Variants in MLIP observed in about 807,000 individuals in gnomAD.
MLIP encodes muscular LMNA interacting protein.
A neutral mutation model predicts 84.8 loss-of-function variants in MLIP; 79 were observed. The observed-to-expected ratio is 0.93, with a 90% CI of 0.78 to 1.12. The LOEUF (loss-of-function observed/expected upper bound fraction) is 1.12. Ranked by LOEUF, MLIP falls within the 50% of genes most tolerant of loss-of-function variation. The pLI is 0.00. For missense variants in MLIP, 1,257 were observed against 1,160.6 expected, an observed-to-expected ratio of 1.08 and a Z score of -1.21; for synonymous variants, 504 against 463.0, an observed-to-expected ratio of 1.09 and a Z score of -1.14.
chr6:54,124,805 C>T lies in MLIP; in HGVS notation c.585C>T (p.Leu195=), dbSNP rs1770776815. ...VVRPKTQGTD[L]KTSSHPEMLH... ...GTCCCAAAACACAGGGGACTGATCT[C>T]AAGACCTCATCACATCCTGAAATGC... The change falls in exon 3 of 14, where the codon CTC becomes CTT. Residue 195 remains leucine (L), a synonymous_variant. Coordinates refer to ENST00000502396, the MANE Select transcript of MLIP (RefSeq NM_001281747.2). 1.2e-6 allele frequency: 2 copies of T among 1,613,184 alleles called. No homozygotes were observed. The highest frequency in any genetic ancestry group is 8.5e-7 in the Non-Finnish European group (1 of 1,179,644).
chr6:54,098,511 A>G (rs1439499158), intron 1 of MLIP, among the ~76,000 whole-genome samples: 1 of 151,710 alleles, frequency 6.6e-6, no homozygotes, highest in Non-Finnish European at 1.5e-5. Flanking sequence ...AGGTCACTGG[A>G]AAAGAACCAG....
intron 12 of MLIP, among the ~76,000 whole-genome samples, chr6:54,254,188 G>A (rs1057482971): frequency 6.7e-6 from 1 of 148,880 alleles, no homozygotes; most frequent in South Asian, 2.1e-4. Context: ...GTGCAGTGGC[G>A]TGATCTTGGC....
chr6:54,102,144 C>G lies in MLIP; in HGVS notation c.64-19303C>G, dbSNP rs139127856. ...GAACCTGGGTTCTAGCCAGGTGGAC[C>G]TGAGTTCAAATCCCATTGTCTCATG... On this transcript the variant is annotated intron_variant, in intron 1 of 12. Transcript: ENST00000274897. Among the ~76,000 whole-genome samples, 261 of 152,266 alleles carry G rather than the reference C, an allele frequency of 1.7e-3. 1 individual carries two copies. The highest frequency in any genetic ancestry group is 6.8e-3 in the Middle Eastern group (2 of 294).
In MLIP at chr6:54,213,734, A is replaced by AAAAAAACAAAAAAC. The variant is rs368508685; in HGVS notation, c.2718+11503_2718+11504insAAAACAAAAAACAA. Among the ~76,000 whole-genome samples the AAAAAAACAAAAAAC allele has an allele frequency of 1.9e-4, 16 of 82,366 alleles. 3 individuals carry two copies. The highest frequency in any genetic ancestry group is 3.4e-4 in the East Asian group (1 of 2,904). The allele number at this position is 82,366 out of a possible 152,430, so 54.0% of individuals were successfully genotyped here. A position where few individuals can be genotyped will look rare whatever the true frequency, so the allele number is the denominator to read the frequency against. The stretch of plus-strand genomic sequence containing the variant: ...AAAAAAAAAAAAAAAAAAAAAAAAA[A>AAAAAAACAAAAAAC]AACAACAAACAGCATATCTTGTATG... On this transcript the variant is annotated intron_variant, in intron 11 of 13. Transcript: ENST00000502396.
intron 1 of MLIP, among the ~76,000 whole-genome samples, chr6:54,040,040 T>C (rs144354116): frequency 0.014 from 2,085 of 152,088 alleles, 52 homozygotes; most frequent in African/African-American, 0.047. Context: ...GTGTTGAACA[T>C]TGTAGAATTA....
At chr6:54,163,935 G>A (rs1774913567) in intron 8 of MLIP, among the ~76,000 whole-genome samples, 1 of 151,848 alleles carries the variant, frequency 6.6e-6, no homozygotes, top group African/African-American at 2.4e-5. Flanking sequence ...GTTTTGCTGC[G>A]AATAAAATTG....
chr6:54,215,397 C>T (rs1467454061), intron 11 of MLIP: 1 of 1,286,968 alleles, frequency 7.8e-7, no homozygotes, highest in South Asian at 2.5e-5. Flanking sequence ...TCTAATGGAA[C>T]CCATACTAAT....
chr6:54,057,654 C>T (rs1273902807), intron 1 of MLIP, among the ~76,000 whole-genome samples: 1 of 152,202 alleles, frequency 6.6e-6, no homozygotes, highest in Non-Finnish European at 1.5e-5. Context: ...CCAGTCATGG[C>T]AAGTCCACTA....
intron 1 of MLIP, among the ~76,000 whole-genome samples, chr6:54,054,317 T>C (rs1765526147): frequency 6.6e-6 from 1 of 151,892 alleles, no homozygotes; most frequent in Non-Finnish European, 1.5e-5. Flanking sequence ...GAAGACACTG[T>C]ATGAACTTGC....
At chr6:54,179,961 T>G (rs1776685166) in intron 9 of MLIP, among the ~76,000 whole-genome samples, 1 of 152,198 alleles carries the variant, frequency 6.6e-6, no homozygotes, top group Non-Finnish European at 1.5e-5. Flanking sequence ...AGAGCCCTCT[T>G]TAGCATTTCT....
Position 54,227,435 on chromosome 6 carries a change from A to T in MLIP, c.2719-3279A>T, listed in dbSNP as rs1780652359. Among the ~76,000 whole-genome samples the T allele has an allele frequency of 2.0e-5, 3 of 152,232 alleles. 1 individual carries two copies. The South Asian group carries it at 6.2e-4, about 32-fold the overall frequency. ...GAAGAGAGAAGAAAAAGAGAAGGAA[A>T]TGATAAAATAATTCATGAAAATTTT... is the stretch of plus-strand genomic sequence containing the variant. On this transcript the variant is annotated intron_variant, in intron 11 of 13. Coordinates refer to ENST00000502396, the MANE Select transcript of MLIP (RefSeq NM_001281747.2).
chr6:54,110,893 T>A (rs1561938975), upstream of MLIP, among the ~76,000 whole-genome samples: 2 of 152,232 alleles, frequency 1.3e-5, no homozygotes, highest in Non-Finnish European at 2.9e-5. Flanking sequence ...ATTTTAGAGG[T>A]GATTTTGTTA....
At chr6:54,198,485 C>T (rs73741464) in intron 10 of MLIP, among the ~76,000 whole-genome samples, 4,705 of 152,170 alleles carry the variant, frequency 0.031, 214 homozygotes, top group African/African-American at 0.11. Context: ...TATAGACTTT[C>T]TAAGTGGCAC....
chr6:54,037,690 C>T (rs941974235), intron 1 of MLIP, among the ~76,000 whole-genome samples: 25 of 151,794 alleles, frequency 1.6e-4, no homozygotes, highest in African/African-American at 6.0e-4. Context: ...GGTCAGCAGC[C>T]TAGGGTTACA....
intron 1 of MLIP, among the ~76,000 whole-genome samples, chr6:54,021,003 T>C (rs947855160): frequency 1.3e-5 from 2 of 152,340 alleles, no homozygotes; most frequent in East Asian, 3.9e-4. Context: ...AAGAAAAGTT[T>C]TGCCTATGCT....
At chr6:54,075,675 G>A (rs548760450) in intron 1 of MLIP, among the ~76,000 whole-genome samples, 14 of 152,182 alleles carry the variant, frequency 9.2e-5, no homozygotes, top group East Asian at 1.9e-4. Context: ...ACATTTCTAT[G>A]GGTCTATAGT....
At chr6:54,125,364 T>A (rs965677846) in intron 3 of MLIP, among the ~76,000 whole-genome samples, 3 of 152,210 alleles carry the variant, frequency 2.0e-5, no homozygotes, top group African/African-American at 7.2e-5. Flanking sequence ...AATTTTCCCC[T>A]GTGTATCCTA....
intron 5 of MLIP, among the ~76,000 whole-genome samples, chr6:54,158,895 A>C (rs1313720368): frequency 6.6e-6 from 1 of 151,932 alleles, no homozygotes; most frequent in African/African-American, 2.4e-5. Context: ...TTTCAAAGGG[A>C]AATGACAACC....
chr6:54,258,561 G>A (rs1488587423), intron 13 of MLIP, among the ~76,000 whole-genome samples: 1 of 151,940 alleles, frequency 6.6e-6, no homozygotes. Context: ...CCAAATTGCT[G>A]TCCTGGAAAA....
Sources: gnomAD v4.1 joint callset for allele counts (sites outside exome capture counted in the v4.1 genomes callset) on GRCh38, gnomAD v4.1.1 for gene constraint, MANE v1.5 for transcripts, NCBI Gene and HGNC (gene_info 2026-07-23, HGNC 2026-07-21) for gene names.